Variants in OTUD7A observed in about 807,000 individuals in gnomAD.
OTUD7A encodes OTU domain-containing protein 7A.
Under a neutral mutation model 65.7 loss-of-function variants are expected in OTUD7A, and 12 were observed. That is an observed-to-expected ratio of 0.18 (90% CI 0.12 to 0.30). OTUD7A has a LOEUF of 0.30. Ranked by LOEUF, OTUD7A falls within the 10% of genes least tolerant of loss-of-function variation. The probability of loss-of-function intolerance (pLI) is 1.00; values close to 1 mark genes in which losing one functional copy is unlikely to be tolerated. For missense variants in OTUD7A, 1,148 were observed against 1,304.8 expected (o/e 0.88, Z 1.85); for synonymous variants, 641 against 586.3 (o/e 1.09, Z -1.35).
At chr15:31,504,364 T>A (rs1187521791) in intron 8 of OTUD7A, among the ~76,000 whole-genome samples, 1 of 152,012 alleles carries the variant, frequency 6.6e-6, no homozygotes, top group Non-Finnish European at 1.5e-5. Context: ...CTGGAGGGGA[T>A]GCGATGTGAA....
chr15:31,483,332 G>A lies in OTUD7A; in HGVS notation c.2764C>T (p.Leu922=), dbSNP rs949707738. ...HYCSYCYREE[L]RRRREARGAR... is the part of the protein sequence containing the mutation. Reference sequence around the variant, plus strand: ...CCGCGCGCCTCGCGCCGCCGCCGCAGCTCCTCGCGGTAGCAGTAGGAGCAG... The same window carrying A: ...CCGCGCGCCTCGCGCCGCCGCCGCAACTCCTCGCGGTAGCAGTAGGAGCAG... Residue 922 remains leucine (L), a synonymous_variant, in exon 13 of 13, where the codon CTG becomes TTG. Coordinates refer to ENST00000307050, the MANE Select transcript of OTUD7A (RefSeq NM_001382637.1). 5 of 1,227,020 alleles carry A rather than the reference G, an allele frequency of 4.1e-6. No homozygotes were observed. The highest frequency in any genetic ancestry group is 5.1e-6 in the Non-Finnish European group (5 of 979,926). 76.0% of individuals were successfully genotyped at this position (1,227,020 alleles called of 1,614,324 possible).
chr15:31,852,043 G>A (rs542010443), intron 1 of OTUD7A, among the ~76,000 whole-genome samples: 1 of 152,176 alleles, frequency 6.6e-6, no homozygotes, highest in Non-Finnish European at 1.5e-5. Flanking sequence ...AATTTTAGTA[G>A]AGACGGGGTT....
intron 3 of OTUD7A, among the ~76,000 whole-genome samples, chr15:31,629,448 TG>T (rs1335266005): frequency 6.6e-6 from 1 of 152,352 alleles, no homozygotes; most frequent in Admixed American, 6.5e-5. Context: ...GAAGCCCACT[TG>T]ATCATGGTGG....
intron 1 of OTUD7A, among the ~76,000 whole-genome samples, chr15:31,670,360 T>C (rs1892449587): frequency 1.3e-5 from 2 of 152,212 alleles, no homozygotes; most frequent in Non-Finnish European, 2.9e-5. Context: ...CGCCACACTG[T>C]TTTCCACAAT....
In OTUD7A at chr15:31,519,522, T is replaced by C. The variant is rs199529318; in HGVS notation, c.893+6827A>G. On this transcript the variant is annotated intron_variant, in intron 8 of 12. Transcript: ENST00000307050. ...ACCTCAACATAATAAAGGTCTTCTA[T>C]GACAAACCCACAGCTAACAGCATAC... Among the ~76,000 whole-genome samples the C allele has an allele frequency of 1.2e-4, 19 of 152,324 alleles. No individual in the cohort carries two copies. The East Asian group carries it at 1.7e-3, about 14-fold the overall frequency.
At chr15:31,791,365 A>C (rs1895810870) in intron 1 of OTUD7A, among the ~76,000 whole-genome samples, 1 of 152,150 alleles carries the variant, frequency 6.6e-6, no homozygotes, top group Admixed American at 6.5e-5. Context: ...GGTTCCTAGG[A>C]AATTTTTTTG....
At chr15:31,595,688 T>C (rs1242390752) in intron 3 of OTUD7A, among the ~76,000 whole-genome samples, 1 of 152,270 alleles carries the variant, frequency 6.6e-6, no homozygotes, top group African/African-American at 2.4e-5. Context: ...CTGGCTTCTC[T>C]GCTCTGAGTC....
chr15:31,857,608 G>A (rs77017821), intron 1 of OTUD7A, among the ~76,000 whole-genome samples: 181 of 152,290 alleles, frequency 1.2e-3, no homozygotes, highest in African/African-American at 4.2e-3. Flanking sequence ...AGCCTGAGCC[G>A]GGCCCCTCGA....
intron 1 of OTUD7A, among the ~76,000 whole-genome samples, chr15:31,693,007 G>A (rs1270254887): frequency 1.3e-5 from 2 of 151,896 alleles, no homozygotes; most frequent in African/African-American, 4.8e-5. Context: ...TTCAAGAGAA[G>A]AGTGAGTTTC....
chr15:31,689,898 G>A (rs1892923938), intron 1 of OTUD7A, among the ~76,000 whole-genome samples: 1 of 152,174 alleles, frequency 6.6e-6, no homozygotes. Flanking sequence ...GGTGTGATCT[G>A]CAGGGAACCT....
At chr15:31,639,450 C>T (rs1891447633) in intron 3 of OTUD7A, among the ~76,000 whole-genome samples, 1 of 147,468 alleles carries the variant, frequency 6.8e-6, no homozygotes, top group Admixed American at 6.8e-5. Context: ...AGTTTTTTAG[C>T]CCTCACTAAG....
At chr15:31,781,862 A>G (rs1167097793) in intron 1 of OTUD7A, among the ~76,000 whole-genome samples, 6 of 152,240 alleles carry the variant, frequency 3.9e-5, no homozygotes, top group Non-Finnish European at 8.8e-5. Flanking sequence ...ATCTTCAGCC[A>G]TTTCCATCAG....
chr15:31,725,978 T>G (rs1893871523), intron 1 of OTUD7A, among the ~76,000 whole-genome samples: 1 of 152,108 alleles, frequency 6.6e-6, no homozygotes, highest in African/African-American at 2.4e-5. Context: ...TTCATTCCCA[T>G]GGACTCAAAT....
At chr15:31,527,731 C>T (rs1389217797) in intron 6 of OTUD7A, among the ~76,000 whole-genome samples, 1 of 152,226 alleles carries the variant, frequency 6.6e-6, no homozygotes, top group Non-Finnish European at 1.5e-5. Context: ...ATCCTGGCTT[C>T]TCCAGGGTCT....
chr15:31,779,580 T>C (rs1426988333), intron 1 of OTUD7A, among the ~76,000 whole-genome samples: 1 of 152,224 alleles, frequency 6.6e-6, no homozygotes, highest in Non-Finnish European at 1.5e-5. Context: ...CTCCTTTCCG[T>C]GGCCTTTGTG....
chr15:31,842,642 G>T (rs1897211556), intron 1 of OTUD7A, among the ~76,000 whole-genome samples: 1 of 152,082 alleles, frequency 6.6e-6, no homozygotes, highest in Admixed American at 6.5e-5. Context: ...AACGCACTCT[G>T]AATTCTGACA....
At chr15:31,752,062 A>G (rs1429539153) in intron 1 of OTUD7A, among the ~76,000 whole-genome samples, 1 of 152,186 alleles carries the variant, frequency 6.6e-6, no homozygotes, top group Non-Finnish European at 1.5e-5. Context: ...ATTTTAAAAT[A>G]ATTTATAAAT....
intron 1 of OTUD7A, among the ~76,000 whole-genome samples, chr15:31,665,481 G>T (rs1892294007): frequency 6.6e-6 from 1 of 152,188 alleles, no homozygotes. Context: ...CTGGTGTATA[G>T]AAGAGCTACC....
intron 3 of OTUD7A, among the ~76,000 whole-genome samples, chr15:31,615,620 C>G (rs997353756): frequency 6.6e-6 from 1 of 152,154 alleles, no homozygotes; most frequent in African/African-American, 2.4e-5. Flanking sequence ...ATCACTGCAC[C>G]AAGAATCACA....
Sources: allele counts gnomAD v4.1 joint callset (sites outside exome capture counted in the v4.1 genomes callset), GRCh38; gene constraint gnomAD v4.1.1; transcripts MANE v1.5; gene names NCBI Gene and HGNC (gene_info 2026-07-23, HGNC 2026-07-21).